The following TENM1 variants were observed in gnomAD, a reference collection of about 807,000 sequenced individuals.
The protein encoded by TENM1 is teneurin-1.
Under a neutral mutation model 174.8 loss-of-function variants are expected in TENM1, and 35 were observed. The ratio of observed to expected loss-of-function variants is 0.20; its 90% confidence interval spans 0.15 to 0.27. The LOEUF (loss-of-function observed/expected upper bound fraction) is 0.27, where lower values mean the gene tolerates loss of function less well. Ranked by LOEUF, TENM1 falls within the 10% of genes least tolerant of loss-of-function variation. TENM1 has a pLI of 1.00. For synonymous variants in TENM1, 781 were observed against 798.7 expected (o/e 0.98, Z 0.37); for missense variants, 1,633 against 2,130.1 (o/e 0.77, Z 4.59).
At chrX:124,766,148 A>G (rs2054534557) in intron 3 of TENM1, among the ~76,000 whole-genome samples, 2 of 111,608 alleles carry the variant, frequency 1.8e-5, no homozygotes, top group Admixed American at 1.9e-4. Flanking sequence ...TATATCAAAA[A>G]CCAGAGGAGT....
At chrX:124,437,761 G>C (rs909982482) in intron 23 of TENM1, among the ~76,000 whole-genome samples, 1 of 111,782 alleles carries the variant, frequency 8.9e-6, no homozygotes, top group African/African-American at 3.3e-5. Context: ...CATTGATTTG[G>C]AGTTGGAAGT....
intron 3 of TENM1, among the ~76,000 whole-genome samples, chrX:124,850,926 G>A (rs1253588257): frequency 9.0e-6 from 1 of 111,370 alleles, no homozygotes; most frequent in South Asian, 3.7e-4. Context: ...CACTATGAGA[G>A]CCAAGTTTAA....
chrX:124,464,606 G>A (rs989962470), intron 22 of TENM1, among the ~76,000 whole-genome samples: 11 of 111,848 alleles, frequency 9.8e-5, no homozygotes, highest in Non-Finnish European at 1.9e-4. Flanking sequence ...TGAGCACTGC[G>A]TGAATACACA....
At chrX:124,706,699 T>C (rs1218161773) in intron 4 of TENM1, among the ~76,000 whole-genome samples, 4 of 112,314 alleles carry the variant, frequency 3.6e-5, no homozygotes, top group African/African-American at 1.3e-4. Flanking sequence ...TAAAATTGCA[T>C]ATACTTCTTT....
chrX:125,056,246 TA>T, the TENM1 span, among the ~76,000 whole-genome samples: 1 of 111,600 alleles, frequency 9.0e-6, no homozygotes, highest in African/African-American at 3.3e-5. Context: ...AGCAAGGAAT[TA>T]TTGAATGTTA....
At chrX:124,639,235 C>A (rs2050952703) in intron 11 of TENM1, among the ~76,000 whole-genome samples, 1 of 111,784 alleles carries the variant, frequency 8.9e-6, no homozygotes, top group African/African-American at 3.3e-5. Context: ...TATAGCTATA[C>A]CCAATGGCTT....
chrX:124,684,032 A>G (rs2052300278), intron 5 of TENM1, among the ~76,000 whole-genome samples: 1 of 112,401 alleles, frequency 8.9e-6, no homozygotes, highest in African/African-American at 3.2e-5. Context: ...TTTCTTATAA[A>G]TCAATAAATA....
At chrX:125,031,495 C>A in the TENM1 span, among the ~76,000 whole-genome samples, 1 of 111,513 alleles carries the variant, frequency 9.0e-6, no homozygotes, top group African/African-American at 3.3e-5. Context: ...ACAAAGAATT[C>A]TTTTTTAATT....
At chrX:124,921,886 G>A (rs1178466996) in intron 1 of TENM1, among the ~76,000 whole-genome samples, 2 of 111,535 alleles carry the variant, frequency 1.8e-5, no homozygotes, top group East Asian at 5.6e-4. Context: ...AGAATGCAAA[G>A]TATTTCATTA....
At chrX:124,870,994 T>C (rs1251991733) in intron 3 of TENM1, among the ~76,000 whole-genome samples, 1 of 111,635 alleles carries the variant, frequency 9.0e-6, no homozygotes, top group Admixed American at 9.5e-5. Context: ...TTTTTTGTGG[T>C]GATATCTTGC....
intron 31 of TENM1, among the ~76,000 whole-genome samples, chrX:124,381,693 A>G (rs1249448185): frequency 8.9e-6 from 1 of 111,899 alleles, no homozygotes; most frequent in East Asian, 2.8e-4. Flanking sequence ...GAAATGCATA[A>G]GGCATAGTTC....
At chrX:124,676,388 T>C (rs1185187513) in intron 5 of TENM1, among the ~76,000 whole-genome samples, 1 of 92,835 alleles carries the variant, frequency 1.1e-5, no homozygotes, top group Non-Finnish European at 2.2e-5. Flanking sequence ...TTCACTGAAA[T>C]TCAATGGTTG....
intron 1 of TENM1, among the ~76,000 whole-genome samples, chrX:124,957,405 G>A (rs766126903): frequency 1.6e-4 from 18 of 110,568 alleles, no homozygotes; most frequent in Non-Finnish European, 5.7e-5. Flanking sequence ...CCAACATGGC[G>A]AAACTTCGTC....
At chrX:124,895,880 A>G in intron 2 of TENM1, 101 bp downstream of exon 5, 2 of 1,007,494 alleles carry the variant, frequency 2.0e-6, no homozygotes, top group African/African-American at 1.9e-5. Flanking sequence ...CATTCTGCAT[A>G]TTAAATGAAA....
At chrX:125,006,591 G>T in the TENM1 span, among the ~76,000 whole-genome samples, 1 of 111,929 alleles carries the variant, frequency 8.9e-6, no homozygotes, top group Non-Finnish European at 1.9e-5. Flanking sequence ...CCCAACAGGG[G>T]TCAACAGACA....
intron 3 of TENM1, among the ~76,000 whole-genome samples, chrX:124,847,941 A>T (rs1382824243): frequency 9.0e-6 from 1 of 111,401 alleles, no homozygotes; most frequent in African/African-American, 3.3e-5. Context: ...TATGACAGCT[A>T]TCAGCGGGCT....
At chrX:124,844,042 A>T (rs2056558368) in intron 3 of TENM1, among the ~76,000 whole-genome samples, 1 of 111,132 alleles carries the variant, frequency 9.0e-6, no homozygotes, top group Non-Finnish European at 1.9e-5. Context: ...GAGCCACATT[A>T]TGCATGAGTG....
At chrX:125,014,112 A>T in the TENM1 span, among the ~76,000 whole-genome samples, 4,930 of 111,914 alleles carry the variant, frequency 0.044, 241 homozygotes, top group African/African-American at 0.15. Flanking sequence ...ATAAAAACTA[A>T]TTCAATAAAA....
At chrX:124,569,516 G>T (rs112079399) in intron 11 of TENM1, among the ~76,000 whole-genome samples, 37 of 112,013 alleles carry the variant, frequency 3.3e-4, no homozygotes, top group African/African-American at 1.1e-3. Context: ...AGGCTCTAAA[G>T]CAAGTCTTGA....
Sources: allele counts gnomAD v4.1 joint callset (sites outside exome capture counted in the v4.1 genomes callset), GRCh38; gene constraint gnomAD v4.1.1; transcripts MANE v1.5; gene names NCBI Gene and HGNC (gene_info 2026-07-23, HGNC 2026-07-21).